The following PZP variants were observed in gnomAD, a reference collection of about 807,000 sequenced individuals.
PZP encodes PZP alpha-2-macroglobulin like, also known as pregnancy zone protein.
Under a neutral mutation model 179.8 loss-of-function variants are expected in PZP, and 150 were observed. That is an observed-to-expected ratio of 0.83 (90% confidence interval 0.73 to 0.96). The LOEUF is 0.96. Among genes scored for constraint, PZP ranks in the 40% least tolerant of loss-of-function variants. PZP has a pLI of 0.00. For synonymous variants in PZP, 624 were observed against 652.3 expected (o/e 0.96, Z 0.66); for missense variants, 1,689 against 1,764.0 (o/e 0.96, Z 0.76).
chr12:9,201,242 TA>T, intron 5 of PZP, 84 bp downstream of exon 5: 2 of 1,335,668 alleles, frequency 1.5e-6, no homozygotes, highest in Non-Finnish European at 2.1e-6. Flanking sequence ...ATTTTTAAAG[TA>T]GTTCATCTGT....
intron 25 of PZP, 56 bp from the exon 26 acceptor site, chr12:9,158,632 C>A: frequency 1.3e-6 from 2 of 1,554,062 alleles, no homozygotes; most frequent in Non-Finnish European, 1.8e-6. Flanking sequence ...CTTTACTGCT[C>A]TGTTTTGTAC....
At chr12:9,176,395 T>C (rs983042068) in intron 15 of PZP, among the ~76,000 whole-genome samples, 1 of 152,212 alleles carries the variant, frequency 6.6e-6, no homozygotes, top group South Asian at 2.1e-4. Flanking sequence ...CAAATCACCA[T>C]GGCACATGTT....
intron 29 of PZP, among the ~76,000 whole-genome samples, chr12:9,153,567 T>G (rs955079557): frequency 1.3e-5 from 2 of 152,264 alleles, no homozygotes; most frequent in African/African-American, 4.8e-5. Context: ...TTAATGTCAC[T>G]GTTTATTTTC....
chr12:9,194,072 C>T lies in PZP; in HGVS notation c.1254+5G>A. 6.2e-7 allele frequency: 1 copy of T among 1,611,188 alleles called. No homozygotes were observed. Among genetic ancestry groups the T allele is most frequent in the Non-Finnish European group, 8.5e-7 (1 of 1,177,900 alleles). On this transcript the variant is annotated splice_donor_5th_base_variant and intron_variant, in intron 11 of 35. Coordinates refer to ENST00000261336, the MANE Select transcript of PZP (RefSeq NM_002864.3). ...GTCCTCAGAGATTTGTCTTTCTATA[C>T]TTACCCGGACAAAAAGTTTATTAAC...
intron 1 of PZP, among the ~76,000 whole-genome samples, chr12:9,207,290 G>A (rs1227777978): frequency 6.6e-6 from 1 of 152,182 alleles, no homozygotes; most frequent in East Asian, 1.9e-4. Context: ...ATGCAAGAGA[G>A]AGGTAGAAGT....
At position 9,192,576 on chromosome 12, in the gene PZP, G is replaced by A. The variant is rs868648159; in HGVS notation, c.1418C>T (p.Thr473Met). The change falls in exon 12 of 36, where the codon ACG becomes ATG. Residue 473 changes from threonine (T) to methionine (M), a missense_variant. Transcript: ENST00000261336. Reference sequence around the variant, plus strand: ...CTGTCTATTCAGTGTATAGTGTGCCGTGATAGTCTCCGTGTGGCCACAGGG... The same window carrying A: ...CTGTCTATTCAGTGTATAGTGTGCCATGATAGTCTCCGTGTGGCCACAGGG... ...TLPCGHTETI[T>M]AHYTLNRQAM... 11 of 1,614,082 alleles carry A rather than the reference G, an allele frequency of 6.8e-6. No individual in the cohort carries two copies. The highest frequency in any genetic ancestry group is 4.0e-5 in the African/African-American group (3 of 74,920).
chr12:9,200,805 A>T, intron 6 of PZP, 87 bp downstream of exon 6: 2 of 1,385,666 alleles, frequency 1.4e-6, no homozygotes, highest in Non-Finnish European at 2.0e-6. Context: ...CAAGTTCAAC[A>T]TATCTACAGG....
At chr12:9,157,085 G>A (rs140225298) in intron 28 of PZP, 90 bp downstream of exon 28, 49 of 1,272,828 alleles carry the variant, frequency 3.8e-5, no homozygotes, top group South Asian at 1.4e-4. Context: ...CTCCCTCTCC[G>A]CACCTCCCAG....
At chr12:9,191,661 G>T (rs973562119) in intron 13 of PZP, among the ~76,000 whole-genome samples, 1 of 151,918 alleles carries the variant, frequency 6.6e-6, no homozygotes, top group Admixed American at 6.6e-5. Flanking sequence ...AAATGTTCAC[G>T]GGTTCTCTTT....
rs1002736811 is a variant in PZP, at chr12:9,169,590, A to G, written c.1841T>C (p.Val614Ala). 6.2e-7 allele frequency: 1 copy of G among 1,603,526 alleles called. No homozygotes were observed. Residue 614 changes from valine to alanine, a missense_variant and splice_region_variant, in exon 16 of 36, where the codon GTA becomes GCA. Transcript: ENST00000261336. ...ATCCTTCACAGTTAGCAGATTATAT[A>G]CCTGTAGCAGTGGGGGGATCAAAGG... is the stretch of plus-strand genomic sequence containing the variant. ...KPEAELSVSS[V>A]YNLLTVKDLT... is the part of the protein sequence containing the mutation.
chr12:9,147,083 C>G (rs1940048997), downstream of PZP, among the ~76,000 whole-genome samples: 1 of 152,160 alleles, frequency 6.6e-6, no homozygotes, highest in African/African-American at 2.4e-5. Context: ...ACTGGCAAGG[C>G]AGATGTCAGT....
At chr12:9,163,388 G>C (rs1053887924) in intron 21 of PZP, among the ~76,000 whole-genome samples, 2 of 151,288 alleles carry the variant, frequency 1.3e-5, no homozygotes, top group East Asian at 3.9e-4. Flanking sequence ...GGGAGGCAGA[G>C]CTTTCAGTGA....
At chr12:9,169,369 G>T in intron 16 of PZP, 61 bp downstream of exon 16, 1 of 1,408,248 alleles carries the variant, frequency 7.1e-7, no homozygotes. Context: ...AATAGATACA[G>T]AGTTTTATTA....
chr12:9,144,813 A>G (rs754729851), downstream of PZP, among the ~76,000 whole-genome samples: 217 of 152,208 alleles, frequency 1.4e-3, 1 homozygote, highest in African/African-American at 4.8e-3. Context: ...GGGCAGGCAT[A>G]TCTCTGGTCG....
At chr12:9,206,366 A>C (rs1158867334) in intron 1 of PZP, among the ~76,000 whole-genome samples, 1 of 152,120 alleles carries the variant, frequency 6.6e-6, no homozygotes, top group Non-Finnish European at 1.5e-5. Context: ...ATTTTATATG[A>C]GTTCAGTTAA....
intron 13 of PZP, 69 bp from the exon 14 acceptor site, chr12:9,182,186 A>G: frequency 4.3e-6 from 1 of 233,660 alleles, no homozygotes; most frequent in Non-Finnish European, 7.0e-6. Flanking sequence ...ATAGTGTCAT[A>G]AGGACACTAT....
In PZP at chr12:9,163,658, AATATGTT is replaced by A; in HGVS notation, c.2736+3_2736+9del. 2.5e-6 allele frequency: 4 copies of A among 1,612,334 alleles called. No individual in the cohort carries two copies. The highest frequency in any genetic ancestry group is 3.4e-6 in the Non-Finnish European group (4 of 1,179,160). On this transcript the variant is annotated splice_donor_5th_base_variant and intron_variant, in intron 21 of 35. Transcript: ENST00000261336. ...CTTACAGTTGTTAGGGACTCCCAAA[AATATGTT>A]ACCTCCACCAACAGGGTTTTGATGA... is the stretch of plus-strand genomic sequence containing the variant.
At position 9,202,675 on chromosome 12, in the gene PZP, TC is replaced by T. The variant is rs767665975; in HGVS notation, c.276del (p.Ile93SerfsTer14). 4.3e-6 allele frequency: 7 copies of T among 1,613,260 alleles called. No individual in the cohort carries two copies. The highest frequency in any genetic ancestry group is 5.9e-6 in the Non-Finnish European group (7 of 1,179,754). On this transcript the variant is annotated frameshift_variant, in exon 3 of 36. Coordinates refer to ENST00000261336, the MANE Select transcript of PZP (RefSeq NM_002864.3). LOFTEE classifies it high-confidence loss of function. ...LFHCVSFTLP[R>X]ISASSEVAFL... ...AATGCCACCTCTGAAGAGGCTGAGA[TC>T]CTTGGGAGCTAAAAAGCAAAGGATT...
intron 13 of PZP, among the ~76,000 whole-genome samples, chr12:9,188,293 G>A (rs1389660354): frequency 2.0e-5 from 3 of 152,190 alleles, no homozygotes; most frequent in African/African-American, 4.8e-5. Flanking sequence ...CTTATCAGAT[G>A]TAGAAAAGGA....
Sources: gnomAD v4.1 joint callset for allele counts (sites outside exome capture counted in the v4.1 genomes callset) on GRCh38, gnomAD v4.1.1 for gene constraint, MANE v1.5 for transcripts, NCBI Gene and HGNC (gene_info 2026-07-23, HGNC 2026-07-21) for gene names.